NMNAT2: variants seen among roughly 807,000 people sequenced by gnomAD.
NMNAT2 encodes nicotinamide nucleotide adenylyltransferase 2.
In NMNAT2, 11 loss-of-function variants were observed where a neutral mutation model predicts 41.6. That is an observed-to-expected ratio of 0.26 (90% CI 0.17 to 0.44). The LOEUF (loss-of-function observed/expected upper bound fraction) is 0.44. NMNAT2 is among the 20% of genes least tolerant of loss of function. The pLI is 1.00. For synonymous variants in NMNAT2, 148 were observed against 151.2 expected (o/e 0.98, Z 0.16); for missense variants, 288 against 407.7 (o/e 0.71, Z 2.53).
At chr1:183,362,649 G>A (rs961036985) in intron 1 of NMNAT2, among the ~76,000 whole-genome samples, 1 of 152,144 alleles carries the variant, frequency 6.6e-6, no homozygotes, top group African/African-American at 2.4e-5. Context: ...TATAGATATA[G>A]CACAGTTTTT....
At chr1:183,321,566 A>T (rs1227867806) in intron 1 of NMNAT2, among the ~76,000 whole-genome samples, 6 of 152,074 alleles carry the variant, frequency 3.9e-5, no homozygotes, top group Non-Finnish European at 7.4e-5. Flanking sequence ...ACATAGTGAA[A>T]CCCCATCTCT....
At chr1:183,332,907 T>C (rs780888733) in intron 1 of NMNAT2, among the ~76,000 whole-genome samples, 7 of 152,206 alleles carry the variant, frequency 4.6e-5, no homozygotes, top group Non-Finnish European at 8.8e-5. Flanking sequence ...CCTCATTTTG[T>C]TTGCAGTAGC....
chr1:183,378,391 TAAA>T (rs113433811), intron 1 of NMNAT2, among the ~76,000 whole-genome samples: 1 of 135,804 alleles, frequency 7.4e-6, no homozygotes, highest in Non-Finnish European at 1.6e-5. Flanking sequence ...GAGACTCCAT[TAAA>T]AAAAAAAAAA....
chr1:183,363,998 C>T (rs1429826956), intron 1 of NMNAT2, among the ~76,000 whole-genome samples: 2 of 152,338 alleles, frequency 1.3e-5, no homozygotes, highest in Non-Finnish European at 2.9e-5. Flanking sequence ...AAACAACCTC[C>T]TTCATCCTGC....
At position 183,252,640 on chromosome 1, in the gene NMNAT2, G is replaced by A; in HGVS notation, c.*1C>T. The A allele has an allele frequency of 6.2e-7, 1 of 1,609,852 alleles. No individual in the cohort carries two copies. Among genetic ancestry groups the A allele is most frequent in the East Asian group, 2.2e-5 (1 of 44,870 alleles). On this transcript the variant is annotated 3_prime_UTR_variant, in exon 11 of 11. Transcript: ENST00000287713. ...TTGTGTTGCCGGAGGACGAGGGGCT[G>A]CTAGCCGGAGGCATTGATGTACAGC...
In NMNAT2 at chr1:183,341,724, C is replaced by A. The variant is rs146517832; in HGVS notation, c.86-47931G>T. ...AGAGGAAAAGACAAACAAACAAACACCAAAAAAAAAAAAAAAAAAAAAACC... is the reference window on the plus strand; with the variant it reads ...AGAGGAAAAGACAAACAAACAAACAACAAAAAAAAAAAAAAAAAAAAAACC... On this transcript the variant is annotated intron_variant, in intron 1 of 10. Coordinates refer to ENST00000287713, the MANE Select transcript of NMNAT2 (RefSeq NM_015039.4). Among the ~76,000 whole-genome samples, 21 of 15,828 alleles carry A rather than the reference C, an allele frequency of 1.3e-3. No individual in the cohort carries two copies. The East Asian group carries it at 0.11, about 83-fold the overall frequency. The allele number at this position is 15,828 out of a possible 152,430, so 10.4% of individuals were successfully genotyped here. A position where few individuals can be genotyped will look rare whatever the true frequency, so the allele number is the denominator to read the frequency against.
At chr1:183,365,910 G>C (rs1663402282) in intron 1 of NMNAT2, among the ~76,000 whole-genome samples, 1 of 152,208 alleles carries the variant, frequency 6.6e-6, no homozygotes, top group African/African-American at 2.4e-5. Flanking sequence ...ACAGACTGCA[G>C]ATAAACCACC....
chr1:183,410,934 TCTCCAAATCCTGGG>T (rs1649100357), intron 1 of NMNAT2, among the ~76,000 whole-genome samples: 1 of 152,006 alleles, frequency 6.6e-6, no homozygotes, highest in African/African-American at 2.4e-5. Flanking sequence ...TCCAGGCTGG[TCTCCAAATCCTGGG>T]CTCAAGCAAT....
chr1:183,341,450 G>C lies in NMNAT2; in HGVS notation c.86-47657C>G, dbSNP rs538922265. On this transcript the variant is annotated intron_variant, in intron 1 of 10. Transcript: ENST00000287713. ...CCCAGTGCTATGGGAGGCCAAGGCAGGTGGATCGCTTGAGCTCAGGAGTTT... is the reference window on the plus strand; with the variant it reads ...CCCAGTGCTATGGGAGGCCAAGGCACGTGGATCGCTTGAGCTCAGGAGTTT... 2.7e-4 allele frequency among the ~76,000 whole-genome samples: 40 copies of C among 150,076 alleles called. 1 individual carries two copies. The highest frequency in any genetic ancestry group is 3.4e-3 in the Middle Eastern group (1 of 292).
intron 10 of NMNAT2, among the ~76,000 whole-genome samples, chr1:183,256,731 C>A (rs936234104): frequency 6.6e-6 from 1 of 152,150 alleles, no homozygotes; most frequent in Non-Finnish European, 1.5e-5. Context: ...TACATCAATG[C>A]TCATCAGAAA....
At chr1:183,409,929 G>A (rs1421190128) in intron 1 of NMNAT2, among the ~76,000 whole-genome samples, 1 of 152,158 alleles carries the variant, frequency 6.6e-6, no homozygotes, top group Non-Finnish European at 1.5e-5. Context: ...TTATTTTGGT[G>A]GGTTGTACAG....
At position 183,252,361 on chromosome 1, in the gene NMNAT2, G is replaced by C. The variant is rs201915534; in HGVS notation, c.*280C>G. 1.2e-4 allele frequency: 50 copies of C among 423,802 alleles called. No individual in the cohort carries two copies. The highest frequency in any genetic ancestry group is 1.6e-4 in the Non-Finnish European group (37 of 229,122). 26.3% of individuals were successfully genotyped at this position (423,802 alleles called of 1,614,324 possible). On this transcript the variant is annotated 3_prime_UTR_variant, in exon 11 of 11. Transcript: ENST00000287713. ...GAGCCGCCTCTCTAGAGCATGCTGG[G>C]AGACGGACACCAGTACATCTCCAAG...
At chr1:183,320,730 G>T (rs1439170879) in intron 1 of NMNAT2, among the ~76,000 whole-genome samples, 1 of 152,202 alleles carries the variant, frequency 6.6e-6, no homozygotes, top group Non-Finnish European at 1.5e-5. Context: ...AACATTCACA[G>T]AAGTTGATCT....
intron 1 of NMNAT2, among the ~76,000 whole-genome samples, chr1:183,378,249 C>A (rs1163626626): frequency 6.6e-6 from 1 of 152,010 alleles, no homozygotes; most frequent in Non-Finnish European, 1.5e-5. Context: ...AAAAAATGAG[C>A]TGGATGTGGT....
intron 4 of NMNAT2, 22 bp from the exon 5 acceptor site, chr1:183,286,810 T>A (rs200067663): frequency 8.1e-6 from 13 of 1,599,436 alleles, no homozygotes; most frequent in Non-Finnish European, 1.0e-5. Flanking sequence ...GAGAAGAGTG[T>A]TATTAGTCAT....
chr1:183,345,400 G>A (rs1027200485), intron 1 of NMNAT2, among the ~76,000 whole-genome samples: 1 of 152,218 alleles, frequency 6.6e-6, no homozygotes, highest in African/African-American at 2.4e-5. Context: ...AAGCCTTTAA[G>A]AGGTGCTTAG....
chr1:183,345,623 G>C (rs1042961622), intron 1 of NMNAT2, among the ~76,000 whole-genome samples: 2 of 152,042 alleles, frequency 1.3e-5, no homozygotes, highest in African/African-American at 4.8e-5. Flanking sequence ...GAAGGCCCTT[G>C]TCAGATGCGG....
chr1:183,342,460 C>T (rs1323923581), intron 1 of NMNAT2, among the ~76,000 whole-genome samples: 1 of 152,216 alleles, frequency 6.6e-6, no homozygotes, highest in African/African-American at 2.4e-5. Flanking sequence ...TATGTGTTAA[C>T]TCCACAAAAG....
intron 1 of NMNAT2, among the ~76,000 whole-genome samples, chr1:183,301,562 C>A (rs1217531470): frequency 6.6e-6 from 1 of 152,228 alleles, no homozygotes; most frequent in Non-Finnish European, 1.5e-5. Flanking sequence ...CATTTGGTCA[C>A]CATCTTTGCT....
Sources: allele counts gnomAD v4.1 joint callset (sites outside exome capture counted in the v4.1 genomes callset), GRCh38; gene constraint gnomAD v4.1.1; transcripts MANE v1.5; gene names NCBI Gene and HGNC (gene_info 2026-07-23, HGNC 2026-07-21).